The following RALYL variants were observed in gnomAD, a reference collection of about 807,000 sequenced individuals.
RALYL encodes RALY RNA binding protein like.
RALYL carries 29 observed loss-of-function variants against 35.1 expected under a neutral mutation model. The ratio of observed to expected loss-of-function variants is 0.83; its 90% confidence interval spans 0.61 to 1.13. The LOEUF (loss-of-function observed/expected upper bound fraction) is 1.13, where lower values mean the gene tolerates loss of function less well. Among genes scored for constraint, RALYL ranks in the 50% most tolerant of loss-of-function variants. The pLI is 0.00. For missense variants in RALYL, 359 were observed against 360.4 expected, an observed-to-expected ratio of 1.00 and a Z score of 0.03; for synonymous variants, 120 against 127.6, an observed-to-expected ratio of 0.94 and a Z score of 0.40.
chr8:84,301,261 A>G (rs1051358200), intron 1 of RALYL, among the ~76,000 whole-genome samples: 10 of 152,134 alleles, frequency 6.6e-5, no homozygotes, highest in South Asian at 2.1e-4. Flanking sequence ...TGTTGGCCCA[A>G]TGGGGTTCCC....
In RALYL at chr8:84,183,656, TG is replaced by T. The variant is rs1406522143; in HGVS notation, c.-791del. The T allele has an allele frequency of 2.0e-5, 3 of 152,750 alleles. No homozygotes were observed. Among genetic ancestry groups the T allele is most frequent in the African/African-American group, 4.8e-5 (2 of 41,460 alleles). 9.5% of individuals were successfully genotyped at this position (152,750 alleles called of 1,614,324 possible). A position where few individuals can be genotyped will look rare whatever the true frequency, so the allele number is the denominator to read the frequency against. ...TTTGGTTTTTTGTTTTTTTTGTTTT[TG>T]TTTTTTTTCTTTTTTTCCACTTCTT... On this transcript the variant is annotated 5_prime_UTR_variant, in exon 1 of 9. Transcript: ENST00000521268.
At chr8:84,202,816 TGC>T (rs1817212657) in intron 1 of RALYL, among the ~76,000 whole-genome samples, 1 of 152,224 alleles carries the variant, frequency 6.6e-6, no homozygotes. Flanking sequence ...TTTAAAAACT[TGC>T]TAAATGTATT....
intron 8 of RALYL, among the ~76,000 whole-genome samples, chr8:84,910,276 T>G (rs1438008424): frequency 6.6e-6 from 1 of 152,074 alleles, no homozygotes; most frequent in Non-Finnish European, 1.5e-5. Flanking sequence ...AAATTAGATA[T>G]TTTTTTCAAA....
chr8:84,651,978 T>G (rs933539626), intron 2 of RALYL, among the ~76,000 whole-genome samples: 2 of 152,052 alleles, frequency 1.3e-5, no homozygotes, highest in African/African-American at 4.8e-5. Context: ...GATCTTAGAA[T>G]CTTTTGCCAG....
intron 2 of RALYL, among the ~76,000 whole-genome samples, chr8:84,576,942 C>A (rs549995274): frequency 1.3e-5 from 2 of 152,258 alleles, no homozygotes; most frequent in East Asian, 3.9e-4. Flanking sequence ...TCCTGACCAA[C>A]CTTCATGTTA....
At chr8:84,664,924 C>T (rs1480028205) in intron 2 of RALYL, among the ~76,000 whole-genome samples, 1 of 152,070 alleles carries the variant, frequency 6.6e-6, no homozygotes, top group Non-Finnish European at 1.5e-5. Context: ...GGGAATGCTT[C>T]CAGCTTTTGC....
At chr8:84,793,553 G>A (rs549806959) in intron 3 of RALYL, among the ~76,000 whole-genome samples, 1 of 152,242 alleles carries the variant, frequency 6.6e-6, no homozygotes, top group East Asian at 1.9e-4. Flanking sequence ...AGGGGATGTA[G>A]AATTATAAAC....
intron 2 of RALYL, among the ~76,000 whole-genome samples, chr8:84,695,455 T>G (rs981315632): frequency 4.0e-5 from 6 of 151,834 alleles, no homozygotes; most frequent in Non-Finnish European, 2.9e-5. Flanking sequence ...GAACCATTAT[T>G]TCAAGTGTCA....
intron 1 of RALYL, among the ~76,000 whole-genome samples, chr8:84,245,982 C>T (rs934207713): frequency 7.9e-5 from 12 of 152,124 alleles, no homozygotes; most frequent in Admixed American, 7.9e-4. Flanking sequence ...ATGGAAAAAT[C>T]AAGCCCTGAA....
chr8:84,819,133 GT>G (rs369137452), intron 4 of RALYL, among the ~76,000 whole-genome samples: 9 of 151,678 alleles, frequency 5.9e-5, no homozygotes, highest in African/African-American at 1.7e-4. Flanking sequence ...ACTTTTTTGC[GT>G]TTTTTTTAAG....
At chr8:84,457,954 G>T (rs1371507763) in intron 1 of RALYL, among the ~76,000 whole-genome samples, 1 of 151,732 alleles carries the variant, frequency 6.6e-6, no homozygotes, top group African/African-American at 2.4e-5. Flanking sequence ...ATTTACAGAG[G>T]ATATTTTATG....
chr8:84,643,450 C>A (rs1175519118), intron 2 of RALYL, among the ~76,000 whole-genome samples: 1 of 152,124 alleles, frequency 6.6e-6, no homozygotes, highest in African/African-American at 2.4e-5. Flanking sequence ...GCAGGCACTG[C>A]AGCAGGAAGA....
intron 1 of RALYL, among the ~76,000 whole-genome samples, chr8:84,509,911 C>T (rs2057470214): frequency 6.6e-6 from 1 of 152,146 alleles, no homozygotes; most frequent in African/African-American, 2.4e-5. Context: ...GTCTTTATTA[C>T]TGTAGCTTTA....
intron 1 of RALYL, among the ~76,000 whole-genome samples, chr8:84,427,812 A>G (rs1177535098): frequency 2.0e-5 from 3 of 152,052 alleles, no homozygotes; most frequent in Admixed American, 6.6e-5. Context: ...TAGTTTTCAC[A>G]TTGTCTTGTA....
chr8:84,435,773 T>C (rs1312198962), intron 1 of RALYL, among the ~76,000 whole-genome samples: 1 of 152,178 alleles, frequency 6.6e-6, no homozygotes, highest in Non-Finnish European at 1.5e-5. Context: ...AGTTCTAGAA[T>C]TGGCCTTTTC....
intron 1 of RALYL, among the ~76,000 whole-genome samples, chr8:84,513,979 C>A (rs1171923179): frequency 3.3e-5 from 5 of 150,712 alleles, no homozygotes; most frequent in Non-Finnish European, 7.4e-5. Context: ...CCTGTAATTG[C>A]AGCTCCTTGG....
chr8:84,804,568 T>C (rs1373477873), intron 3 of RALYL, among the ~76,000 whole-genome samples: 1 of 152,200 alleles, frequency 6.6e-6, no homozygotes, highest in Non-Finnish European at 1.5e-5. Context: ...ACTCTCATTT[T>C]ATTTAGCTTC....
chr8:84,843,426 C>A (rs1305538588), intron 4 of RALYL, among the ~76,000 whole-genome samples: 1 of 152,120 alleles, frequency 6.6e-6, no homozygotes, highest in Non-Finnish European at 1.5e-5. Context: ...TGAAGGACCT[C>A]TTCAAGGAGA....
At chr8:84,617,109 T>C (rs1434860271) in intron 2 of RALYL, among the ~76,000 whole-genome samples, 1 of 150,586 alleles carries the variant, frequency 6.6e-6, no homozygotes, top group Non-Finnish European at 1.5e-5. Flanking sequence ...TTTAAAGTAG[T>C]TTTTTCCAAT....
Sources: allele counts gnomAD v4.1 joint callset (sites outside exome capture counted in the v4.1 genomes callset), GRCh38; gene constraint gnomAD v4.1.1; transcripts MANE v1.5; gene names NCBI Gene and HGNC (gene_info 2026-07-23, HGNC 2026-07-21).